NCAM2: variants seen among roughly 807,000 people sequenced by gnomAD.
The protein encoded by NCAM2 is N-CAM-2.
In NCAM2, 30 loss-of-function variants were observed where a neutral mutation model predicts 98.1. The ratio of observed to expected loss-of-function variants is 0.31; its 90% CI spans 0.23 to 0.41. The LOEUF is 0.41. Ranked by LOEUF, NCAM2 falls within the 10% of genes least tolerant of loss-of-function variation. NCAM2 has a pLI of 1.00. For synonymous variants in NCAM2, 368 were observed against 342.4 expected (o/e 1.07, Z -0.83); for missense variants, 867 against 1,005.8 (o/e 0.86, Z 1.87).
chr21:21,061,031 G>A (rs1350569656), intron 1 of NCAM2, among the ~76,000 whole-genome samples: 2 of 152,088 alleles, frequency 1.3e-5, no homozygotes, highest in Non-Finnish European at 2.9e-5. Flanking sequence ...TCTCTTTAAG[G>A]TATAAGTTTG....
intron 1 of NCAM2, among the ~76,000 whole-genome samples, chr21:21,271,922 A>C (rs1272517513): frequency 6.6e-6 from 1 of 152,148 alleles, no homozygotes; most frequent in African/African-American, 2.4e-5. Context: ...GAGGGATAGC[A>C]TTAGGAGATA....
At chr21:21,102,405 G>T (rs1224803346) in intron 1 of NCAM2, among the ~76,000 whole-genome samples, 1 of 151,776 alleles carries the variant, frequency 6.6e-6, no homozygotes, top group African/African-American at 2.4e-5. Flanking sequence ...CACAATACAG[G>T]ATTTCTCAGG....
At chr21:21,504,642 A>G (rs899699092) in intron 15 of NCAM2, among the ~76,000 whole-genome samples, 2 of 151,832 alleles carry the variant, frequency 1.3e-5, no homozygotes, top group South Asian at 2.1e-4. Flanking sequence ...CTTAACTTTT[A>G]TAGTTGTAAC....
At chr21:21,284,954 C>T (rs2073051456) in intron 3 of NCAM2, among the ~76,000 whole-genome samples, 1 of 151,586 alleles carries the variant, frequency 6.6e-6, no homozygotes, top group East Asian at 1.9e-4. Context: ...TCCTATGTTC[C>T]TTTCTCCTCC....
At chr21:21,034,056 G>A (rs556294275) in intron 1 of NCAM2, among the ~76,000 whole-genome samples, 4 of 151,194 alleles carry the variant, frequency 2.6e-5, no homozygotes, top group Admixed American at 6.6e-5. Flanking sequence ...AGGCAAAGGG[G>A]GGGGGGAAAC....
At chr21:21,435,392 C>A (rs1978298182) in intron 12 of NCAM2, among the ~76,000 whole-genome samples, 1 of 152,154 alleles carries the variant, frequency 6.6e-6, no homozygotes, top group African/African-American at 2.4e-5. Context: ...CTGTTCACCT[C>A]TTGGACTTAC....
At chr21:21,402,386 C>T (rs984982254) in intron 9 of NCAM2, among the ~76,000 whole-genome samples, 1 of 152,096 alleles carries the variant, frequency 6.6e-6, no homozygotes, top group Non-Finnish European at 1.5e-5. Flanking sequence ...GCCCTGGAGT[C>T]CTGCAGTACC....
chr21:21,073,627 A>G (rs2065619095), intron 1 of NCAM2, among the ~76,000 whole-genome samples: 2 of 152,340 alleles, frequency 1.3e-5, no homozygotes, highest in Middle Eastern at 3.4e-3. Context: ...CATGTACAAC[A>G]GAGGAGCTGT....
intron 6 of NCAM2, among the ~76,000 whole-genome samples, chr21:21,329,116 G>C (rs542034532): frequency 2.0e-5 from 3 of 151,910 alleles, no homozygotes; most frequent in Non-Finnish European, 4.4e-5. Flanking sequence ...CACCATGCCC[G>C]GCTAATTTTT....
chr21:21,053,617 C>A (rs2065155892), intron 1 of NCAM2, among the ~76,000 whole-genome samples: 1 of 149,658 alleles, frequency 6.7e-6, no homozygotes, highest in African/African-American at 2.4e-5. Flanking sequence ...ATGCATATGC[C>A]CCTTTATATC....
At chr21:21,358,983 A>G (rs977741710) in intron 8 of NCAM2, among the ~76,000 whole-genome samples, 4 of 152,166 alleles carry the variant, frequency 2.6e-5, no homozygotes, top group Middle Eastern at 3.4e-3. Context: ...TAGTAAGGAA[A>G]GCCAAGGTTA....
intron 1 of NCAM2, among the ~76,000 whole-genome samples, chr21:21,176,674 GT>G (rs1027485387): frequency 6.6e-6 from 1 of 151,288 alleles, no homozygotes; most frequent in African/African-American, 2.4e-5. Flanking sequence ...TTTTAAAAGT[GT>G]TTTTTTTGAA....
intron 1 of NCAM2, among the ~76,000 whole-genome samples, chr21:21,229,724 G>A (rs1251780619): frequency 1.3e-5 from 2 of 151,300 alleles, no homozygotes; most frequent in Admixed American, 1.3e-4. Context: ...TGTGAATCTA[G>A]TCCCTAACTA....
At chr21:21,089,017 A>G (rs1219628114) in intron 1 of NCAM2, among the ~76,000 whole-genome samples, 1 of 150,644 alleles carries the variant, frequency 6.6e-6, no homozygotes. Flanking sequence ...ACTGTTTTTC[A>G]GGCTTCAGGG....
At chr21:21,430,850 A>G (rs1005608882) in intron 11 of NCAM2, among the ~76,000 whole-genome samples, 4 of 151,880 alleles carry the variant, frequency 2.6e-5, no homozygotes, top group Non-Finnish European at 5.9e-5. Context: ...GATTGAGACC[A>G]TCCTGGCCAA....
chr21:21,455,107 G>A lies in NCAM2; in HGVS notation c.1655-11499G>A, dbSNP rs924299031. ...AAGGGAAGATTATATGTGTTTTTAC[G>A]TCTACCATTATAAATTTGTATGCCA... On this transcript the variant is annotated intron_variant, in intron 12 of 17. Coordinates refer to ENST00000400546, the MANE Select transcript of NCAM2 (RefSeq NM_004540.5). 1.6e-4 allele frequency among the ~76,000 whole-genome samples: 23 copies of A among 145,996 alleles called. No individual in the cohort carries two copies. In the East Asian group the frequency reaches 4.3e-3, roughly 27 times the overall value.
intron 1 of NCAM2, among the ~76,000 whole-genome samples, chr21:21,062,088 T>C (rs2065334838): frequency 6.6e-6 from 1 of 152,082 alleles, no homozygotes; most frequent in Non-Finnish European, 1.5e-5. Context: ...TATTTAGAAG[T>C]GGTATAATGT....
chr21:21,275,888 T>C (rs557681807), intron 1 of NCAM2, among the ~76,000 whole-genome samples: 1 of 152,278 alleles, frequency 6.6e-6, no homozygotes, highest in Admixed American at 6.5e-5. Flanking sequence ...TTATAAGTAA[T>C]TTTGGACAAA....
chr21:21,488,531 A>G lies in NCAM2; in HGVS notation c.2077+11060A>G, dbSNP rs77393099. ...GTATATTTACCCTGATAATGGAGAA[A>G]TAAAACCTTAAAATTACAAATTATT... On this transcript the variant is annotated intron_variant, in intron 15 of 17. Transcript: ENST00000400546. 4.8e-3 allele frequency among the ~76,000 whole-genome samples: 724 copies of G among 152,130 alleles called. 8 individuals are homozygous for G. The highest frequency in any genetic ancestry group is 0.017 in the African/African-American group (696 of 41,536).
Sources: gnomAD v4.1 joint callset for allele counts (sites outside exome capture counted in the v4.1 genomes callset) on GRCh38, gnomAD v4.1.1 for gene constraint, MANE v1.5 for transcripts, NCBI Gene and HGNC (gene_info 2026-07-23, HGNC 2026-07-21) for gene names.